The following METTL24 variants were observed in gnomAD, a reference collection of about 807,000 sequenced individuals.
METTL24 encodes the protein probable methyltransferase-like protein 24.
METTL24 carries 29 observed loss-of-function variants against 32.7 expected under a neutral mutation model. That is an observed-to-expected ratio of 0.89 (90% CI 0.66 to 1.21). The LOEUF (loss-of-function observed/expected upper bound fraction) is 1.21, where lower values mean the gene tolerates loss of function less well. Ranked by LOEUF, METTL24 falls within the 50% of genes most tolerant of loss-of-function variation. METTL24 has a pLI of 0.00. For missense variants in METTL24, 439 were observed against 468.1 expected (o/e 0.94, Z 0.57); for synonymous variants, 163 against 179.5 (o/e 0.91, Z 0.73).
chr6:110,245,900 T>G lies in METTL24; in HGVS notation c.*46A>C. On this transcript the variant is annotated 3_prime_UTR_variant, in exon 5 of 5. Coordinates refer to ENST00000338882, the MANE Select transcript of METTL24 (RefSeq NM_001123364.3). ...CTCATGATTAGAATTATGGACATGC[T>G]GCATTCTGCAAATATTTTCTTGTGC... 1 of 1,524,340 alleles carries G rather than the reference T, an allele frequency of 6.6e-7. No homozygotes were observed. Among genetic ancestry groups the G allele is most frequent in the Non-Finnish European group, 8.9e-7 (1 of 1,123,046 alleles). 94.4% of individuals were successfully genotyped at this position (1,524,340 alleles called of 1,614,324 possible).
intron 1 of METTL24, among the ~76,000 whole-genome samples, chr6:110,329,662 G>A (rs1037838337): frequency 6.6e-6 from 1 of 152,106 alleles, no homozygotes; most frequent in East Asian, 1.9e-4. Flanking sequence ...AGTGCCGGGT[G>A]CAGTTTCACG....
intron 1 of METTL24, among the ~76,000 whole-genome samples, chr6:110,343,574 G>A (rs1036895937): frequency 1.3e-5 from 2 of 152,202 alleles, no homozygotes; most frequent in Non-Finnish European, 2.9e-5. Context: ...AAGCTAAATT[G>A]CCTGAGGAAG....
At chr6:110,341,723 A>C (rs1314609364) in intron 1 of METTL24, among the ~76,000 whole-genome samples, 4 of 152,194 alleles carry the variant, frequency 2.6e-5, no homozygotes, top group African/African-American at 9.6e-5. Context: ...ATGAAATCTG[A>C]CCTCATCTGA....
chr6:110,269,173 A>G (rs1453635383), intron 4 of METTL24, among the ~76,000 whole-genome samples: 3 of 152,240 alleles, frequency 2.0e-5, no homozygotes, highest in Non-Finnish European at 2.9e-5. Flanking sequence ...ACAAAGATAT[A>G]AAGAAGAAAA....
rs763449512 is a variant in METTL24 at position 110,246,020 on chromosome 6, G to T, written c.1027C>A (p.Leu343Ile). ...TTGAAAATGTCTTTCTTCAAGAATAGCTGAGGTTTAGATAAGTCTTTGTAA... is the reference window on the plus strand; with the variant it reads ...TTGAAAATGTCTTTCTTCAAGAATATCTGAGGTTTAGATAAGTCTTTGTAA... ...HSYKDLSKPQLFLKKDIFNAS... is the reference protein window; with the variant it reads ...HSYKDLSKPQIFLKKDIFNAS... The change falls in exon 5 of 5, where the codon CTA (leucine) becomes ATA (isoleucine). Residue 343 changes from leucine to isoleucine, a missense_variant. Leu to Ile is a conservative substitution (Grantham distance 5). Coordinates refer to ENST00000338882, the MANE Select transcript of METTL24 (RefSeq NM_001123364.3). The T allele has an allele frequency of 2.4e-5, 38 of 1,614,020 alleles. No homozygotes were observed. Among genetic ancestry groups the T allele is most frequent in the Non-Finnish European group, 3.1e-5 (36 of 1,180,020 alleles).
At chr6:110,275,514 C>G (rs983682048) in intron 4 of METTL24, among the ~76,000 whole-genome samples, 1 of 152,144 alleles carries the variant, frequency 6.6e-6, no homozygotes, top group African/African-American at 2.4e-5. Context: ...CTCCTTAACT[C>G]CCCAAGCCAA....
chr6:110,323,615 C>T (rs1771969257), intron 1 of METTL24, among the ~76,000 whole-genome samples: 1 of 152,096 alleles, frequency 6.6e-6, no homozygotes, highest in Admixed American at 6.5e-5. Flanking sequence ...GTAGCCCCTC[C>T]AGTAAAAAGG....
chr6:110,313,758 A>G (rs1771766425), intron 3 of METTL24, among the ~76,000 whole-genome samples: 1 of 152,172 alleles, frequency 6.6e-6, no homozygotes, highest in Admixed American at 6.5e-5. Context: ...GCTCTGTTCT[A>G]ATCAATTGGC....
chr6:110,324,467 G>A (rs974066950), intron 1 of METTL24, among the ~76,000 whole-genome samples: 3 of 152,154 alleles, frequency 2.0e-5, no homozygotes, highest in African/African-American at 7.2e-5. Context: ...ATGCTGTCTC[G>A]AAATTCTTAG....
chr6:110,324,896 A>G (rs1030114487), intron 1 of METTL24, among the ~76,000 whole-genome samples: 2 of 152,236 alleles, frequency 1.3e-5, no homozygotes, highest in African/African-American at 4.8e-5. Flanking sequence ...GGCTCTCCCA[A>G]GAGGCACTCA....
intron 4 of METTL24, among the ~76,000 whole-genome samples, chr6:110,291,972 T>G (rs995378403): frequency 6.6e-6 from 1 of 152,256 alleles, no homozygotes; most frequent in Non-Finnish European, 1.5e-5. Flanking sequence ...TTGTTCTTTG[T>G]TTTCAAAACT....
chr6:110,312,624 C>T (rs1771744191), intron 3 of METTL24, among the ~76,000 whole-genome samples: 1 of 152,174 alleles, frequency 6.6e-6, no homozygotes, highest in African/African-American at 2.4e-5. Flanking sequence ...CATCTTCTCA[C>T]TCATATGCTG....
chr6:110,321,542 A>T (rs1771929772), intron 2 of METTL24, among the ~76,000 whole-genome samples: 1 of 152,220 alleles, frequency 6.6e-6, no homozygotes, highest in Admixed American at 6.5e-5. Context: ...TAAAAGGTCC[A>T]GATTCTTATC....
At chr6:110,316,779 C>T (rs141686985) in intron 2 of METTL24, among the ~76,000 whole-genome samples, 1 of 152,146 alleles carries the variant, frequency 6.6e-6, no homozygotes, top group East Asian at 1.9e-4. Flanking sequence ...GCCTGTAGTC[C>T]CAGCTATTCA....
chr6:110,358,253 G>A lies in METTL24; in HGVS notation c.20C>T (p.Pro7Leu). 1 of 1,483,118 alleles carries A rather than the reference G, an allele frequency of 6.7e-7. No individual in the cohort carries two copies. The highest frequency in any genetic ancestry group is 8.9e-7 in the Non-Finnish European group (1 of 1,123,764). 91.9% of individuals were successfully genotyped at this position (1,483,118 alleles called of 1,614,324 possible). MARERP[P>L]GRGCGVLRRC... is the part of the protein sequence containing the mutation. The stretch of plus-strand genomic sequence containing the variant: ...GCGCAGGACGCCGCAGCCCCTCCCG[G>A]GCGGCCTCTCCCGGGCCATGGCGCT... Residue 7 changes from proline to leucine, a missense_variant, in exon 1 of 5, where the codon CCC becomes CTC. Transcript: ENST00000338882.
At chr6:110,288,882 G>A (rs1771271083) in intron 4 of METTL24, among the ~76,000 whole-genome samples, 1 of 152,200 alleles carries the variant, frequency 6.6e-6, no homozygotes, top group Non-Finnish European at 1.5e-5. Context: ...GCCAGGGGCG[G>A]GAGTGGAACT....
At chr6:110,321,652 C>T (rs1413148787) in intron 2 of METTL24, among the ~76,000 whole-genome samples, 1 of 152,188 alleles carries the variant, frequency 6.6e-6, no homozygotes, top group East Asian at 1.9e-4. Flanking sequence ...AAGATAAAAT[C>T]ATGAGAAGCA....
At chr6:110,288,120 G>A (rs1771255837) in intron 4 of METTL24, among the ~76,000 whole-genome samples, 1 of 152,210 alleles carries the variant, frequency 6.6e-6, no homozygotes, top group Admixed American at 6.5e-5. Flanking sequence ...ACAGGGCACA[G>A]AGTAGCCCAG....
At chr6:110,343,333 T>C (rs1772400041) in intron 1 of METTL24, among the ~76,000 whole-genome samples, 1 of 152,228 alleles carries the variant, frequency 6.6e-6, no homozygotes, top group Admixed American at 6.5e-5. Flanking sequence ...GGACCAGCAC[T>C]GGGCCTAAGT....
Sources: allele counts gnomAD v4.1 joint callset (sites outside exome capture counted in the v4.1 genomes callset), GRCh38; gene constraint gnomAD v4.1.1; transcripts MANE v1.5; gene names NCBI Gene and HGNC (gene_info 2026-07-23, HGNC 2026-07-21).